Variants in ADAM23 observed in about 807,000 individuals in gnomAD.
ADAM23 encodes the protein disintegrin and metalloproteinase domain-containing protein 23.
ADAM23 carries 33 observed loss-of-function variants against 120.1 expected under a neutral mutation model. That is an observed-to-expected ratio of 0.27 (90% confidence interval 0.21 to 0.37). ADAM23 has a LOEUF of 0.37. Among genes scored for constraint, ADAM23 ranks in the 10% least tolerant of loss-of-function variants. The pLI, the probability that ADAM23 is intolerant of heterozygous loss-of-function variation, is 1.00. For synonymous variants in ADAM23, 367 were observed against 375.2 expected, an observed-to-expected ratio of 0.98 and a Z score of 0.25; for missense variants, 862 against 1,058.2, an observed-to-expected ratio of 0.81 and a Z score of 2.57.
chr2:206,445,293 C>T lies in ADAM23; in HGVS notation c.215-14C>T, dbSNP rs200990949. The T allele has an allele frequency of 3.7e-6, 6 of 1,609,528 alleles. No individual in the cohort carries two copies. In the East Asian group the frequency reaches 1.3e-4, roughly 36 times the overall value. Reference sequence around the variant, plus strand: ...TTTGTATTTTCTGCTCCCCCACCCCCCTACCTCCACCAGCTCCGCATTGGA... The same window carrying T: ...TTTGTATTTTCTGCTCCCCCACCCCTCTACCTCCACCAGCTCCGCATTGGA... On this transcript the variant is annotated splice_polypyrimidine_tract_variant and intron_variant, in intron 1 of 25. Coordinates refer to ENST00000264377, the MANE Select transcript of ADAM23 (RefSeq NM_003812.4).
At chr2:206,601,736 T>G (rs1430790297) in intron 24 of ADAM23, among the ~76,000 whole-genome samples, 1 of 147,434 alleles carries the variant, frequency 6.8e-6, no homozygotes, top group Non-Finnish European at 1.5e-5. Context: ...ATCACACCAC[T>G]GCACTCCAGC....
intron 2 of ADAM23, among the ~76,000 whole-genome samples, chr2:206,467,648 C>G (rs750109695): frequency 2.0e-5 from 3 of 152,140 alleles, no homozygotes; most frequent in Non-Finnish European, 4.4e-5. Context: ...GGTGGATGTA[C>G]CATTTTGAGG....
chr2:206,556,945 C>T (rs1174231694), intron 9 of ADAM23, among the ~76,000 whole-genome samples: 1 of 152,132 alleles, frequency 6.6e-6, no homozygotes, highest in East Asian at 1.9e-4. Context: ...TTTGTATAAG[C>T]TACAAAATGT....
At chr2:206,507,133 A>C (rs1157080721) in intron 3 of ADAM23, among the ~76,000 whole-genome samples, 1 of 152,176 alleles carries the variant, frequency 6.6e-6, no homozygotes, top group Non-Finnish European at 1.5e-5. Flanking sequence ...AAGAAAGTAT[A>C]TTTAAAATTT....
intron 3 of ADAM23, among the ~76,000 whole-genome samples, chr2:206,510,026 G>A (rs916202228): frequency 6.6e-5 from 10 of 152,160 alleles, no homozygotes; most frequent in African/African-American, 2.2e-4. Flanking sequence ...CCAATTGACT[G>A]CAGTTAGTCT....
At chr2:206,550,792 G>A (rs974302496) in intron 9 of ADAM23, among the ~76,000 whole-genome samples, 3 of 152,038 alleles carry the variant, frequency 2.0e-5, no homozygotes, top group Admixed American at 2.0e-4. Context: ...TAGTAGAGAC[G>A]GGGTTTCACC....
chr2:206,582,140 A>G (rs1042441451), intron 18 of ADAM23, among the ~76,000 whole-genome samples: 1 of 152,166 alleles, frequency 6.6e-6, no homozygotes, highest in Non-Finnish European at 1.5e-5. Flanking sequence ...GGCCTCCCAA[A>G]GTGCTGGGAT....
At chr2:206,543,109 T>C (rs561572025) in intron 5 of ADAM23, 144 bp from the exon 6 acceptor site, 3 of 686,660 alleles carry the variant, frequency 4.4e-6, no homozygotes, top group Non-Finnish European at 7.6e-6. Flanking sequence ...CATGCAGATA[T>C]GTGAATTAAA....
chr2:206,552,762 A>G (rs983177703), intron 9 of ADAM23, among the ~76,000 whole-genome samples: 1 of 152,094 alleles, frequency 6.6e-6, no homozygotes, highest in Admixed American at 6.5e-5. Context: ...CCGCAGCTCA[A>G]GTGATCCTCC....
At chr2:206,591,898 A>G (rs925628830) in intron 21 of ADAM23, among the ~76,000 whole-genome samples, 3 of 152,206 alleles carry the variant, frequency 2.0e-5, no homozygotes, top group Non-Finnish European at 4.4e-5. Flanking sequence ...TCCCCAGATT[A>G]CAAGTGGAAT....
chr2:206,581,751 A>G (rs1018291600), intron 18 of ADAM23, among the ~76,000 whole-genome samples: 1 of 152,154 alleles, frequency 6.6e-6, no homozygotes, highest in African/African-American at 2.4e-5. Flanking sequence ...GTTCCAAGGT[A>G]TGGTGTAAAT....
intron 24 of ADAM23, among the ~76,000 whole-genome samples, chr2:206,599,556 G>A (rs951377144): frequency 1.4e-4 from 21 of 152,078 alleles, no homozygotes; most frequent in African/African-American, 4.3e-4. Context: ...TTAAAACTCT[G>A]TTGTAGATTT....
intron 3 of ADAM23, among the ~76,000 whole-genome samples, chr2:206,516,887 T>C (rs1260696409): frequency 6.6e-6 from 1 of 152,092 alleles, no homozygotes; most frequent in African/African-American, 2.4e-5. Flanking sequence ...AAATTTTCTA[T>C]TTTGGCCTAG....
At chr2:206,471,554 C>A (rs557727520) in intron 2 of ADAM23, among the ~76,000 whole-genome samples, 7 of 152,100 alleles carry the variant, frequency 4.6e-5, no homozygotes, top group Non-Finnish European at 1.0e-4. Context: ...GAGTCACAGA[C>A]ACTAAGCATG....
At chr2:206,510,530 T>C (rs1478166331) in intron 3 of ADAM23, among the ~76,000 whole-genome samples, 1 of 152,230 alleles carries the variant, frequency 6.6e-6, no homozygotes, top group African/African-American at 2.4e-5. Flanking sequence ...TTACTTAAAA[T>C]AACTGGGCCC....
rs139263052 is a variant in ADAM23, at chr2:206,530,104, C to T, written c.510-781C>T. ...GATTACAGGCATGAGTCACCATGCC[C>T]GGCTTTGTTTTATGTATTTTTTAAT... is the stretch of plus-strand genomic sequence containing the variant. On this transcript the variant is annotated intron_variant, in intron 3 of 25. Coordinates refer to ENST00000264377, the MANE Select transcript of ADAM23 (RefSeq NM_003812.4). Among the ~76,000 whole-genome samples the T allele has an allele frequency of 4.1e-3, 619 of 152,122 alleles. 6 individuals are homozygous for T. The highest frequency in any genetic ancestry group is 0.014 in the African/African-American group (563 of 41,498).
chr2:206,496,509 G>C (rs1248174750), intron 3 of ADAM23, among the ~76,000 whole-genome samples: 4 of 152,070 alleles, frequency 2.6e-5, no homozygotes, highest in Admixed American at 6.6e-5. Flanking sequence ...GCAGTGTGTA[G>C]AGGGAAATTT....
rs781343704 is a variant in ADAM23 at position 206,565,088 on chromosome 2, G to T, written c.1394+20G>T. The T allele has an allele frequency of 6.2e-7, 1 of 1,613,456 alleles. No homozygotes were observed. The highest frequency in any genetic ancestry group is 1.1e-5 in the South Asian group (1 of 91,034). Reference sequence around the variant, plus strand: ...AACAGGGTAAATTTTCATTATGCGTGCATTTGATATATGCCTTTTGCTAAA... The same window carrying T: ...AACAGGGTAAATTTTCATTATGCGTTCATTTGATATATGCCTTTTGCTAAA... On this transcript the variant is annotated intron_variant, in intron 14 of 25. Transcript: ENST00000264377.
chr2:206,594,637 C>T (rs1297769042), intron 22 of ADAM23, 100 bp from the exon 23 acceptor site: 5 of 1,335,886 alleles, frequency 3.7e-6, no homozygotes, highest in Non-Finnish European at 5.2e-6. Flanking sequence ...AATCCACATC[C>T]ACTGACAGCC....
Sources: allele counts gnomAD v4.1 joint callset (sites outside exome capture counted in the v4.1 genomes callset), GRCh38; gene constraint gnomAD v4.1.1; transcripts MANE v1.5; gene names NCBI Gene and HGNC (gene_info 2026-07-23, HGNC 2026-07-21).